ZNRF1: variants seen among roughly 807,000 people sequenced by gnomAD.
ZNRF1 encodes the protein zinc and ring finger 1, also known as E3 ubiquitin-protein ligase ZNRF1.
Under a neutral mutation model 18.4 loss-of-function variants are expected in ZNRF1, and 3 were observed. That is an observed-to-expected ratio of 0.16 (90% CI 0.07 to 0.42). ZNRF1 has a LOEUF of 0.42. Among genes scored for constraint, ZNRF1 ranks in the 10% least tolerant of loss-of-function variants. The probability of loss-of-function intolerance (pLI) is 0.99; values close to 1 mark genes in which losing one functional copy is unlikely to be tolerated. For synonymous variants in ZNRF1, 157 were observed against 144.2 expected (o/e 1.09, Z -0.64); for missense variants, 310 against 329.8 (o/e 0.94, Z 0.47).
rs371103047 is a variant in ZNRF1, at chr16:75,090,763, A to C, written c.425-2809A>C. ...ATTTTCTGCCTGGTCCCATAGTTCA[A>C]AGCACTGCCAATGAAGGGAAAAAAA... On this transcript the variant is annotated intron_variant, in intron 1 of 4. Coordinates refer to ENST00000335325, the MANE Select transcript of ZNRF1 (RefSeq NM_032268.5). 3.3e-5 allele frequency among the ~76,000 whole-genome samples: 5 copies of C among 152,246 alleles called. No homozygotes were observed. The South Asian group carries it at 1.0e-3, about 32-fold the overall frequency.
rs532903078 is a variant in ZNRF1, at chr16:75,049,480, C to T, written c.425-44092C>T. ...CAGCTGGGACCACAGGTGTGCACCACCACACCTGGATAGTTTTTAAAAATT... is the reference window on the plus strand; with the variant it reads ...CAGCTGGGACCACAGGTGTGCACCATCACACCTGGATAGTTTTTAAAAATT... On this transcript the variant is annotated intron_variant, in intron 1 of 4. Coordinates refer to ENST00000335325, the MANE Select transcript of ZNRF1 (RefSeq NM_032268.5). Among the ~76,000 whole-genome samples the T allele has an allele frequency of 6.9e-4, 105 of 152,258 alleles. 1 individual carries two copies. Among genetic ancestry groups the T allele is most frequent in the African/African-American group, 2.4e-3 (101 of 41,542 alleles).
At chr16:75,095,772 G>A in intron 2 of ZNRF1, 1 of 1,496,994 alleles carries the variant, frequency 6.7e-7, no homozygotes, top group Non-Finnish European at 9.0e-7. Context: ...CAGCTCCTCT[G>A]CCAGAGAACT....
intron 1 of ZNRF1, among the ~76,000 whole-genome samples, chr16:75,084,910 GT>G (rs1004207221): frequency 2.6e-5 from 4 of 152,230 alleles, no homozygotes; most frequent in African/African-American, 9.6e-5. Flanking sequence ...GTTGGAAGAA[GT>G]TTAACTTATG....
intron 1 of ZNRF1, among the ~76,000 whole-genome samples, chr16:75,008,507 G>A (rs2034952835): frequency 6.6e-6 from 1 of 152,160 alleles, no homozygotes; most frequent in African/African-American, 2.4e-5. Context: ...CAAGTCAAGA[G>A]CTTAGGATGA....
At chr16:75,098,182 AC>A (rs1276829867) in intron 2 of ZNRF1, among the ~76,000 whole-genome samples, 1 of 152,224 alleles carries the variant, frequency 6.6e-6, no homozygotes, top group Non-Finnish European at 1.5e-5. Context: ...GCTGTTGCTG[AC>A]CGGCTGCACT....
At chr16:75,076,742 G>A (rs2035944679) in intron 1 of ZNRF1, among the ~76,000 whole-genome samples, 2 of 150,980 alleles carry the variant, frequency 1.3e-5, no homozygotes, top group Non-Finnish European at 3.0e-5. Flanking sequence ...CTAATGTGAT[G>A]GTATTTGAAG....
At chr16:75,037,716 A>T (rs1029295518) in intron 1 of ZNRF1, among the ~76,000 whole-genome samples, 1 of 152,048 alleles carries the variant, frequency 6.6e-6, no homozygotes, top group African/African-American at 2.4e-5. Context: ...CTCCTTTAAC[A>T]TTGTAAAAAA....
chr16:75,053,589 C>CAAA (rs56775288), intron 1 of ZNRF1, among the ~76,000 whole-genome samples: 20 of 71,554 alleles, frequency 2.8e-4, no homozygotes, highest in South Asian at 9.3e-4. Context: ...GACTCCATCT[C>CAAA]AAAAAAAAAA....
chr16:75,015,921 C>CT (rs368763105), intron 1 of ZNRF1, among the ~76,000 whole-genome samples: 20,688 of 137,332 alleles, frequency 0.15, 2,146 homozygotes, highest in African/African-American at 0.26. Context: ...CTTTTCTTTT[C>CT]TTTTTTTTTT....
intron 1 of ZNRF1, among the ~76,000 whole-genome samples, chr16:75,026,800 G>A (rs2035230236): frequency 6.6e-6 from 1 of 151,962 alleles, no homozygotes; most frequent in African/African-American, 2.4e-5. Context: ...GCCTGGCGTG[G>A]TGGTGCGTGC....
In ZNRF1 at chr16:74,999,712, C is replaced by T. The variant is rs983883838; in HGVS notation, c.41C>T (p.Pro14Leu). 32 of 1,365,088 alleles carry T rather than the reference C, an allele frequency of 2.3e-5. No homozygotes were observed. The highest frequency in any genetic ancestry group is 3.0e-5 in the Non-Finnish European group (32 of 1,065,194). 84.6% of individuals were successfully genotyped at this position (1,365,088 alleles called of 1,614,324 possible). ...AGCACGGCGGCCCGCTCCCGGGGCC[C>T]CTTCCCGGGGGTCTCCACCGATGAC... ...KQSTAARSRG[P>L]FPGVSTDDSA... Residue 14 changes from proline (P) to leucine (L), a missense_variant, in exon 1 of 5, where the codon CCC becomes CTC. Transcript: ENST00000335325.
rs192029347 is a variant in ZNRF1 at position 75,061,296 on chromosome 16, C to T, written c.425-32276C>T. ...CCCATTAACCATCCCCACCTCCCCC[C>T]ACACCCCCAGTACCCTTCCCAACCT... On this transcript the variant is annotated intron_variant, in intron 1 of 4. Coordinates refer to ENST00000335325, the MANE Select transcript of ZNRF1 (RefSeq NM_032268.5). Among the ~76,000 whole-genome samples the T allele has an allele frequency of 7.3e-4, 111 of 152,230 alleles. 1 individual carries two copies. Among genetic ancestry groups the T allele is most frequent in the African/African-American group, 2.5e-3 (103 of 41,532 alleles).
At chr16:75,088,966 G>A (rs1421160745) in intron 1 of ZNRF1, among the ~76,000 whole-genome samples, 2 of 152,118 alleles carry the variant, frequency 1.3e-5, no homozygotes, top group East Asian at 1.9e-4. Flanking sequence ...GATGGCACCC[G>A]GCAGAGATGG....
rs2036337343 is a variant in ZNRF1, at chr16:75,107,952, AT to A, written c.*256del. 2.8e-6 allele frequency: 1 copy of A among 353,364 alleles called. No homozygotes were observed. The highest frequency in any genetic ancestry group is 2.2e-5 in the African/African-American group (1 of 46,318). The allele number at this position is 353,364 out of a possible 1,614,324, so 21.9% of individuals were successfully genotyped here. On this transcript the variant is annotated 3_prime_UTR_variant, in exon 5 of 5. Coordinates refer to ENST00000335325, the MANE Select transcript of ZNRF1 (RefSeq NM_032268.5). ...CCCCTCAGCCCAGGAGGGAAAGGGCATTTTCTTTTTCATCTTTGAAAGGCAT... is the reference window on the plus strand; with the variant it reads ...CCCCTCAGCCCAGGAGGGAAAGGGCATTTCTTTTTCATCTTTGAAAGGCAT...
At chr16:75,081,880 T>G (rs1335914533) in intron 1 of ZNRF1, among the ~76,000 whole-genome samples, 1 of 152,218 alleles carries the variant, frequency 6.6e-6, no homozygotes, top group African/African-American at 2.4e-5. Context: ...AGTGTTTCCC[T>G]GGAGACTTTA....
At chr16:75,033,884 C>G (rs66499664) in intron 1 of ZNRF1, among the ~76,000 whole-genome samples, 1 of 151,896 alleles carries the variant, frequency 6.6e-6, no homozygotes, top group African/African-American at 2.4e-5. Flanking sequence ...CAGTGGCTCA[C>G]GCCTGTAATC....
At chr16:75,050,878 A>G (rs913519398) in intron 1 of ZNRF1, among the ~76,000 whole-genome samples, 1 of 109,524 alleles carries the variant, frequency 9.1e-6, no homozygotes, top group Non-Finnish European at 1.9e-5. Flanking sequence ...CTCAAAAAAA[A>G]AAAAAAAAAA....
intron 1 of ZNRF1, among the ~76,000 whole-genome samples, chr16:75,020,288 A>C (rs993437355): frequency 1.3e-5 from 2 of 151,824 alleles, no homozygotes; most frequent in African/African-American, 4.8e-5. Context: ...TCTATGTCCT[A>C]ATGTCTTAGG....
chr16:75,021,300 C>T (rs1006141758), intron 1 of ZNRF1, among the ~76,000 whole-genome samples: 7 of 151,868 alleles, frequency 4.6e-5, no homozygotes, highest in African/African-American at 7.3e-5. Context: ...CGGCCTCCCA[C>T]GATGCTGGGA....
Sources: gnomAD v4.1 joint callset for allele counts (sites outside exome capture counted in the v4.1 genomes callset) on GRCh38, gnomAD v4.1.1 for gene constraint, MANE v1.5 for transcripts, NCBI Gene and HGNC (gene_info 2026-07-23, HGNC 2026-07-21) for gene names.